FHIT: variants seen among roughly 807,000 people sequenced by gnomAD.
FHIT encodes the protein bis(5'-adenosyl)-triphosphatase.
In FHIT, 19 loss-of-function variants were observed where a neutral mutation model predicts 17.9. That is an observed-to-expected ratio of 1.06 (90% CI 0.74 to 1.56). The LOEUF (loss-of-function observed/expected upper bound fraction) is 1.56, where lower values mean the gene tolerates loss of function less well. Among genes scored for constraint, FHIT ranks in the 40% most tolerant of loss-of-function variants. FHIT has a pLI of 0.00. For missense variants in FHIT, 248 were observed against 189.2 expected (o/e 1.31, Z -1.82); for synonymous variants, 81 against 69.7 (o/e 1.16, Z -0.81).
At chr3:61,017,087 G>C (rs781257836) in intron 3 of FHIT, among the ~76,000 whole-genome samples, 40 of 152,312 alleles carry the variant, frequency 2.6e-4, no homozygotes, top group African/African-American at 7.0e-4. Context: ...AGGAGTTCAA[G>C]ACCAGCCTGG....
intron 7 of FHIT, among the ~76,000 whole-genome samples, chr3:59,942,651 C>CT (rs562030071): frequency 1.3e-5 from 2 of 152,050 alleles, no homozygotes; most frequent in East Asian, 1.9e-4. Flanking sequence ...GCCCTTAGTT[C>CT]TTTTTTTATT....
At chr3:60,156,311 C>T (rs1021441884) in intron 5 of FHIT, among the ~76,000 whole-genome samples, 4 of 150,762 alleles carry the variant, frequency 2.7e-5, no homozygotes, top group East Asian at 2.0e-4. Context: ...GATTGTGCCA[C>T]TGCACTCCAG....
At chr3:60,024,417 A>G (rs1447795138) in intron 5 of FHIT, among the ~76,000 whole-genome samples, 3 of 152,244 alleles carry the variant, frequency 2.0e-5, no homozygotes, top group Non-Finnish European at 4.4e-5. Context: ...TTCTGAATGA[A>G]TTAGTGAAAG....
chr3:60,430,669 CT>C (rs531063481), intron 5 of FHIT, among the ~76,000 whole-genome samples: 456 of 152,112 alleles, frequency 3.0e-3, no homozygotes, highest in Non-Finnish European at 5.5e-3. Context: ...TTTTTTATGT[CT>C]GTTTTCTGCA....
intron 5 of FHIT, among the ~76,000 whole-genome samples, chr3:60,314,500 G>C (rs996847633): frequency 6.6e-6 from 1 of 152,158 alleles, no homozygotes; most frequent in African/African-American, 2.4e-5. Flanking sequence ...ACTGAGAAGA[G>C]AAGTATGATG....
chr3:60,604,776 A>G (rs78592189), intron 4 of FHIT, among the ~76,000 whole-genome samples: 1,656 of 152,314 alleles, frequency 0.011, 16 homozygotes, highest in Non-Finnish European at 0.017. Flanking sequence ...ACTATTGCCC[A>G]GGAATCTTGG....
chr3:61,201,632 T>C (rs1464666393), intron 1 of FHIT, among the ~76,000 whole-genome samples: 2 of 152,146 alleles, frequency 1.3e-5, no homozygotes, highest in Non-Finnish European at 2.9e-5. Flanking sequence ...GCATTACCAC[T>C]GATGCATGAC....
chr3:60,529,433 AC>A (rs1169069885), intron 5 of FHIT, among the ~76,000 whole-genome samples: 5 of 152,348 alleles, frequency 3.3e-5, no homozygotes, highest in African/African-American at 1.2e-4. Flanking sequence ...ATAAGTAACT[AC>A]CTACTGATGT....
chr3:60,437,352 T>C (rs1346007465), intron 5 of FHIT, among the ~76,000 whole-genome samples: 3 of 152,060 alleles, frequency 2.0e-5, no homozygotes, highest in African/African-American at 7.2e-5. Context: ...AAATAAATAC[T>C]CCATTAAGTT....
At chr3:60,962,598 C>T (rs1035133448) in intron 3 of FHIT, among the ~76,000 whole-genome samples, 1 of 152,136 alleles carries the variant, frequency 6.6e-6, no homozygotes, top group South Asian at 2.1e-4. Context: ...TTTTCAGACA[C>T]GTCCCATCAC....
intron 8 of FHIT, among the ~76,000 whole-genome samples, chr3:59,909,199 A>AT (rs1704743595): frequency 6.6e-6 from 1 of 151,410 alleles, no homozygotes; most frequent in Non-Finnish European, 1.5e-5. Flanking sequence ...GACCCAGCTA[A>AT]TTTTTTGTAT....
chr3:60,459,585 C>T (rs564923811), intron 5 of FHIT, among the ~76,000 whole-genome samples: 20 of 152,304 alleles, frequency 1.3e-4, no homozygotes, highest in African/African-American at 4.3e-4. Context: ...AAGCATGGCT[C>T]ATTTTGCTTT....
At chr3:59,927,510 G>A (rs1404010452) in intron 7 of FHIT, among the ~76,000 whole-genome samples, 1 of 150,872 alleles carries the variant, frequency 6.6e-6, no homozygotes, top group Non-Finnish European at 1.5e-5. Context: ...GTTCACGCCT[G>A]TAATCCCAGC....
At chr3:60,186,046 T>C (rs564526590) in intron 5 of FHIT, among the ~76,000 whole-genome samples, 1 of 152,226 alleles carries the variant, frequency 6.6e-6, no homozygotes, top group Non-Finnish European at 1.5e-5. Context: ...ATATTATGGA[T>C]ACAAGTCCTT....
intron 3 of FHIT, among the ~76,000 whole-genome samples, chr3:60,838,396 C>T (rs571744766): frequency 5.3e-5 from 8 of 152,226 alleles, no homozygotes; most frequent in Admixed American, 1.3e-4. Flanking sequence ...CGCTTGAACC[C>T]GGGAGGCAGA....
intron 5 of FHIT, among the ~76,000 whole-genome samples, chr3:60,334,918 A>G (rs941890238): frequency 6.6e-6 from 1 of 152,258 alleles, no homozygotes; most frequent in Non-Finnish European, 1.5e-5. Context: ...GCTATAGTAT[A>G]TAAGAAACAG....
intron 5 of FHIT, among the ~76,000 whole-genome samples, chr3:60,069,662 G>A (rs529879918): frequency 6.6e-6 from 1 of 152,274 alleles, no homozygotes; most frequent in East Asian, 1.9e-4. Context: ...GAGGTTTGCT[G>A]TGACTCTAGT....
intron 5 of FHIT, among the ~76,000 whole-genome samples, chr3:60,533,667 G>C (rs1430092414): frequency 6.6e-6 from 1 of 152,098 alleles, no homozygotes; most frequent in Non-Finnish European, 1.5e-5. Context: ...AAAAGCATGG[G>C]GAGGAATCTC....
At chr3:61,164,939 T>A (rs1271585132) in intron 2 of FHIT, among the ~76,000 whole-genome samples, 1 of 152,224 alleles carries the variant, frequency 6.6e-6, no homozygotes, top group Non-Finnish European at 1.5e-5. Context: ...TGGCCTCCAG[T>A]TGCATCCATG....
Sources: allele counts gnomAD v4.1 joint callset (sites outside exome capture counted in the v4.1 genomes callset), GRCh38; gene constraint gnomAD v4.1.1; transcripts MANE v1.5; gene names NCBI Gene and HGNC (gene_info 2026-07-23, HGNC 2026-07-21).